Variants in MAP4K3 observed in about 807,000 individuals in gnomAD.
MAP4K3 encodes mitogen-activated protein kinase kinase kinase kinase 3.
MAP4K3 carries 94 observed loss-of-function variants against 143.5 expected under a neutral mutation model. The ratio of observed to expected loss-of-function variants is 0.65; its 90% CI spans 0.55 to 0.78. The LOEUF (loss-of-function observed/expected upper bound fraction) is 0.78. Ranked by LOEUF, MAP4K3 falls within the 30% of genes least tolerant of loss-of-function variation. The pLI is 0.00. For missense variants in MAP4K3, 1,077 were observed against 1,068.1 expected (o/e 1.01, Z -0.12); for synonymous variants, 416 against 347.2 (o/e 1.20, Z -2.20).
intron 15 of MAP4K3, among the ~76,000 whole-genome samples, chr2:39,305,027 CAG>C (rs748753975): frequency 1.1e-4 from 16 of 152,200 alleles, no homozygotes; most frequent in Non-Finnish European, 1.6e-4. Flanking sequence ...AGTCAGAAAA[CAG>C]AGTGTTCGCT....
At chr2:39,405,058 T>TA in intron 1 of MAP4K3, among the ~76,000 whole-genome samples, 1 of 152,296 alleles carries the variant, frequency 6.6e-6, no homozygotes, top group South Asian at 2.1e-4. Context: ...TACAGATACC[T>TA]AGGGTCTTGA....
intron 3 of MAP4K3, among the ~76,000 whole-genome samples, chr2:39,347,733 A>C (rs985134339): frequency 6.6e-6 from 1 of 152,116 alleles, no homozygotes; most frequent in Non-Finnish European, 1.5e-5. Context: ...TAAATAAATA[A>C]ATAAATTTTT....
chr2:39,293,132 A>G, intron 17 of MAP4K3, 98 bp downstream of exon 17: 1 of 910,188 alleles, frequency 1.1e-6, no homozygotes. Flanking sequence ...AAGAAAAAAA[A>G]GACAACGCAA....
rs558899730 is a variant in MAP4K3 at position 39,405,382 on chromosome 2, T to C, written c.97-27259A>G. On this transcript the variant is annotated intron_variant, in intron 1 of 33. Transcript: ENST00000263881. ...TTACTGGGATTGGGTTGTCCTTTAC[T>C]GCAGGTATGGCTTAGATTACAAAAT... 5.3e-5 allele frequency among the ~76,000 whole-genome samples: 8 copies of C among 152,348 alleles called. No individual in the cohort carries two copies. In the South Asian group the frequency reaches 1.7e-3, roughly 32 times the overall value.
Position 39,390,641 on chromosome 2 carries a change from G to C in MAP4K3, c.97-12518C>G, listed in dbSNP as rs1301005106. Among the ~76,000 whole-genome samples the C allele has an allele frequency of 2.0e-5, 3 of 152,170 alleles. No individual in the cohort carries two copies. In the South Asian group the frequency reaches 6.2e-4, roughly 32 times the overall value. On this transcript the variant is annotated intron_variant, in intron 1 of 33. Coordinates refer to ENST00000263881, the MANE Select transcript of MAP4K3 (RefSeq NM_003618.4). Reference sequence around the variant, plus strand: ...GGGCTGAGAAAAAGTCTAGCAACAGGGAGTAAGTGGTGGCAGAAATTCATG... The same window carrying C: ...GGGCTGAGAAAAAGTCTAGCAACAGCGAGTAAGTGGTGGCAGAAATTCATG...
At chr2:39,306,014 G>A (rs948966797) in intron 15 of MAP4K3, among the ~76,000 whole-genome samples, 1 of 152,050 alleles carries the variant, frequency 6.6e-6, no homozygotes, top group African/African-American at 2.4e-5. Flanking sequence ...ATTTTTAGTA[G>A]AGACAGGGTT....
chr2:39,263,115 T>C (rs983175438), intron 28 of MAP4K3, among the ~76,000 whole-genome samples: 7 of 151,960 alleles, frequency 4.6e-5, no homozygotes, highest in Non-Finnish European at 1.0e-4. Flanking sequence ...AGCAGTCTAA[T>C]GATGCAAAAA....
At chr2:39,301,301 A>G (rs1682501339) in intron 15 of MAP4K3, among the ~76,000 whole-genome samples, 1 of 152,250 alleles carries the variant, frequency 6.6e-6, no homozygotes, top group African/African-American at 2.4e-5. Context: ...GTATCACACA[A>G]AATTCCAATG....
At chr2:39,388,705 T>C (rs961806878) in intron 1 of MAP4K3, among the ~76,000 whole-genome samples, 1 of 152,188 alleles carries the variant, frequency 6.6e-6, no homozygotes, top group South Asian at 2.1e-4. Flanking sequence ...AAATCCATAA[T>C]CACAAGTCTG....
intron 26 of MAP4K3, among the ~76,000 whole-genome samples, chr2:39,269,014 G>A (rs1573074981): frequency 6.6e-6 from 1 of 151,904 alleles, no homozygotes; most frequent in Non-Finnish European, 1.5e-5. Context: ...TGCCAAAAGT[G>A]CAGCCTCCTT....
At position 39,249,693 on chromosome 2, in the gene MAP4K3, G is replaced by A. The variant is rs1433051702; in HGVS notation, c.*925C>T. The stretch of plus-strand genomic sequence containing the variant: ...CCACTTCACTCTATGGAATGTTACA[G>A]TTCTTCAGTGTGATCATATGAAATG... On this transcript the variant is annotated 3_prime_UTR_variant, in exon 34 of 34. Coordinates refer to ENST00000263881, the MANE Select transcript of MAP4K3 (RefSeq NM_003618.4). The A allele has an allele frequency of 6.6e-6, 1 of 152,602 alleles. No homozygotes were observed. The highest frequency in any genetic ancestry group is 2.4e-5 in the African/African-American group (1 of 41,452). The allele number at this position is 152,602 out of a possible 1,614,324, so 9.5% of individuals were successfully genotyped here. A position where few individuals can be genotyped will look rare whatever the true frequency, so the allele number is the denominator to read the frequency against.
At chr2:39,402,163 CT>C (rs1666969327) in intron 1 of MAP4K3, among the ~76,000 whole-genome samples, 1 of 152,068 alleles carries the variant, frequency 6.6e-6, no homozygotes, top group Admixed American at 6.5e-5. Context: ...TGAGATTAAA[CT>C]ACAATGGATA....
chr2:39,417,816 G>A (rs771285754), intron 1 of MAP4K3, among the ~76,000 whole-genome samples: 4 of 152,096 alleles, frequency 2.6e-5, no homozygotes, highest in Admixed American at 6.6e-5. Context: ...GAAGGAACCA[G>A]GGCTCCTTGG....
intron 1 of MAP4K3, among the ~76,000 whole-genome samples, chr2:39,379,245 G>A (rs1024930475): frequency 5.3e-5 from 8 of 151,958 alleles, no homozygotes; most frequent in Non-Finnish European, 1.0e-4. Context: ...ATGAGGCACC[G>A]TCATTGCTGA....
intron 1 of MAP4K3, among the ~76,000 whole-genome samples, chr2:39,435,231 C>T (rs1665422109): frequency 6.6e-6 from 1 of 152,056 alleles, no homozygotes; most frequent in African/African-American, 2.4e-5. Context: ...TGCTCCATTC[C>T]ACTCTTCATG....
chr2:39,304,126 G>C (rs1205966410), intron 15 of MAP4K3, among the ~76,000 whole-genome samples: 4 of 148,288 alleles, frequency 2.7e-5, no homozygotes, highest in African/African-American at 4.9e-5. Flanking sequence ...CTATTCTTCT[G>C]GCTTCATATA....
intron 20 of MAP4K3, 120 bp downstream of exon 20, chr2:39,288,001 C>A: frequency 8.5e-7 from 1 of 1,181,058 alleles, no homozygotes; most frequent in Non-Finnish European, 1.2e-6. Flanking sequence ...ATCTCCATAG[C>A]CACTGCTTTC....
chr2:39,338,288 G>A (rs1665036941), intron 4 of MAP4K3, among the ~76,000 whole-genome samples: 1 of 152,092 alleles, frequency 6.6e-6, no homozygotes, highest in Non-Finnish European at 1.5e-5. Flanking sequence ...TTTTATTAAA[G>A]CTTTTTAGTT....
intron 6 of MAP4K3, among the ~76,000 whole-genome samples, chr2:39,336,703 T>C (rs1664978853): frequency 6.6e-6 from 1 of 152,178 alleles, no homozygotes; most frequent in African/African-American, 2.4e-5. Context: ...AACATTAATC[T>C]ACTGAATGAT....
Sources: allele counts gnomAD v4.1 joint callset (sites outside exome capture counted in the v4.1 genomes callset), GRCh38; gene constraint gnomAD v4.1.1; transcripts MANE v1.5; gene names NCBI Gene and HGNC (gene_info 2026-07-23, HGNC 2026-07-21).